FRMD5: variants seen among roughly 807,000 people sequenced by gnomAD.
FRMD5 encodes FERM domain containing 5, also known as FERM domain-containing protein 5.
A neutral mutation model predicts 69.0 loss-of-function variants in FRMD5; 20 were observed. That is an observed-to-expected ratio of 0.29 (90% CI 0.20 to 0.42). The LOEUF (loss-of-function observed/expected upper bound fraction) is 0.42, where lower values mean the gene tolerates loss of function less well. Ranked by LOEUF, FRMD5 falls within the 10% of genes least tolerant of loss-of-function variation. The pLI, the probability that FRMD5 is intolerant of heterozygous loss-of-function variation, is 1.00. For missense variants in FRMD5, 595 were observed against 708.6 expected (o/e 0.84, Z 1.82); for synonymous variants, 271 against 260.1 (o/e 1.04, Z -0.40).
chr15:43,958,526 G>A (rs1250086724), intron 1 of FRMD5, among the ~76,000 whole-genome samples: 1 of 152,064 alleles, frequency 6.6e-6, no homozygotes, highest in Admixed American at 6.6e-5. Context: ...TCTACCTCTG[G>A]GGCTCAGGTG....
chr15:44,167,617 TC>T (rs1156650195), intron 1 of FRMD5, among the ~76,000 whole-genome samples: 1 of 151,620 alleles, frequency 6.6e-6, no homozygotes, highest in Non-Finnish European at 1.5e-5. Context: ...TAAGACAGAG[TC>T]TTGCTCTGTT....
At chr15:44,039,082 T>C (rs1054470148) in intron 1 of FRMD5, among the ~76,000 whole-genome samples, 1 of 151,932 alleles carries the variant, frequency 6.6e-6, no homozygotes, top group Non-Finnish European at 1.5e-5. Flanking sequence ...AAGTCTGAAC[T>C]GGGCGGAGCC....
At chr15:44,013,242 A>T (rs149779816) in intron 1 of FRMD5, among the ~76,000 whole-genome samples, 3,008 of 152,268 alleles carry the variant, frequency 0.02, 40 homozygotes, top group Middle Eastern at 0.071. Flanking sequence ...ATTTTGAAAA[A>T]ATTAGCTGGG....
Position 44,025,684 on chromosome 15 carries a change from G to C in FRMD5, c.103-101375C>G, listed in dbSNP as rs960591633. Among the ~76,000 whole-genome samples, 3 of 152,158 alleles carry C rather than the reference G, an allele frequency of 2.0e-5. No individual in the cohort carries two copies. In the East Asian group the frequency reaches 5.8e-4, roughly 29 times the overall value. Reference sequence around the variant, plus strand: ...TACAGTAGGATCTGTGGAAGAATTAGAGCTGGGAGTGTTAAGAAAATAGGG... The same window carrying C: ...TACAGTAGGATCTGTGGAAGAATTACAGCTGGGAGTGTTAAGAAAATAGGG... On this transcript the variant is annotated intron_variant, in intron 1 of 13. Transcript: ENST00000417257.
intron 1 of FRMD5, among the ~76,000 whole-genome samples, chr15:44,179,015 A>G (rs1011496665): frequency 2.0e-5 from 3 of 151,934 alleles, no homozygotes; most frequent in African/African-American, 2.4e-5. Context: ...TAAATAAATA[A>G]ATAAATAAAT....
At chr15:43,932,262 C>A (rs1374543448) in intron 1 of FRMD5, among the ~76,000 whole-genome samples, 1 of 152,190 alleles carries the variant, frequency 6.6e-6, no homozygotes, top group Non-Finnish European at 1.5e-5. Context: ...GACAAGAATG[C>A]ATGAATGGAT....
intron 9 of FRMD5, 84 bp from the exon 10 acceptor site, chr15:43,888,350 GT>G: frequency 1.1e-6 from 1 of 914,290 alleles, no homozygotes. Context: ...CCCCAGAGCT[GT>G]TAGAGGCCCT....
intron 1 of FRMD5, among the ~76,000 whole-genome samples, chr15:43,950,611 G>C (rs1255461533): frequency 2.0e-5 from 3 of 152,174 alleles, no homozygotes. Context: ...CCTAAATAAT[G>C]TGGGCAGAGG....
At chr15:44,097,824 C>T (rs530351376) in intron 1 of FRMD5, among the ~76,000 whole-genome samples, 81 of 152,256 alleles carry the variant, frequency 5.3e-4, no homozygotes, top group African/African-American at 1.8e-3. Flanking sequence ...TTCTTGTTTT[C>T]CTCCAATAGC....
At chr15:43,944,951 A>ATCT (rs370705444) in intron 1 of FRMD5, among the ~76,000 whole-genome samples, 2,089 of 133,820 alleles carry the variant, frequency 0.016, 68 homozygotes, top group African/African-American at 0.063. Context: ...AAGTTTATTT[A>ATCT]TTTATTTTTT....
intron 1 of FRMD5, among the ~76,000 whole-genome samples, chr15:44,043,228 G>A (rs1566916289): frequency 6.6e-6 from 1 of 152,140 alleles, no homozygotes; most frequent in Non-Finnish European, 1.5e-5. Flanking sequence ...GGACATGAAG[G>A]ACCTCTTCAA....
chr15:44,022,235 A>C (rs2140254665), intron 1 of FRMD5, among the ~76,000 whole-genome samples: 1 of 152,190 alleles, frequency 6.6e-6, no homozygotes, highest in East Asian at 1.9e-4. Context: ...AGCTAAAACT[A>C]TAAAGTTTAT....
At chr15:43,951,539 A>G (rs1324355056) in intron 1 of FRMD5, among the ~76,000 whole-genome samples, 1 of 152,232 alleles carries the variant, frequency 6.6e-6, no homozygotes, top group Non-Finnish European at 1.5e-5. Context: ...AATAATTCAT[A>G]GTGCTCTTAG....
At chr15:43,971,215 G>A (rs569495416) in intron 1 of FRMD5, among the ~76,000 whole-genome samples, 6 of 151,132 alleles carry the variant, frequency 4.0e-5, no homozygotes, top group African/African-American at 1.5e-4. Flanking sequence ...ACTCCAGCCT[G>A]GTGACAGAGT....
At chr15:44,149,471 A>G (rs76954349) in intron 1 of FRMD5, among the ~76,000 whole-genome samples, 4,657 of 152,198 alleles carry the variant, frequency 0.031, 245 homozygotes, top group African/African-American at 0.11. Context: ...CAAAAGACAG[A>G]TTAGCAGAAT....
intron 1 of FRMD5, among the ~76,000 whole-genome samples, chr15:44,138,949 A>C (rs2077225911): frequency 6.6e-6 from 1 of 152,144 alleles, no homozygotes; most frequent in South Asian, 2.1e-4. Flanking sequence ...GCGACAGAAA[A>C]GAGAGTGGGG....
chr15:44,022,407 A>G (rs927867915), intron 1 of FRMD5, among the ~76,000 whole-genome samples: 3 of 151,490 alleles, frequency 2.0e-5, no homozygotes, highest in Non-Finnish European at 4.4e-5. Flanking sequence ...TCTACTAAAA[A>G]AAAAAAACAT....
chr15:43,948,078 G>T (rs147201988), intron 1 of FRMD5, among the ~76,000 whole-genome samples: 37 of 152,260 alleles, frequency 2.4e-4, no homozygotes, highest in Non-Finnish European at 4.6e-4. Context: ...TATGAGGTAG[G>T]TACCACAATC....
At chr15:44,136,185 G>C (rs2077182212) in intron 1 of FRMD5, among the ~76,000 whole-genome samples, 1 of 134,484 alleles carries the variant, frequency 7.4e-6, no homozygotes, top group South Asian at 2.9e-4. Context: ...CCTATTTTTT[G>C]TTTTGTTTTG....
Sources: gnomAD v4.1 joint callset for allele counts (sites outside exome capture counted in the v4.1 genomes callset) on GRCh38, gnomAD v4.1.1 for gene constraint, MANE v1.5 for transcripts, NCBI Gene and HGNC (gene_info 2026-07-23, HGNC 2026-07-21) for gene names.